The following NEURL1 variants were observed in gnomAD, a reference collection of about 807,000 sequenced individuals.
NEURL1 encodes the protein E3 ubiquitin-protein ligase NEURL1.
Under a neutral mutation model 41.2 loss-of-function variants are expected in NEURL1, and 26 were observed. The observed-to-expected ratio is 0.63, with a 90% CI of 0.46 to 0.87. The LOEUF is 0.87. Ranked by LOEUF, NEURL1 falls within the 40% of genes least tolerant of loss-of-function variation. The probability of loss-of-function intolerance (pLI) is 0.00; values close to 1 mark genes in which losing one functional copy is unlikely to be tolerated. For missense variants in NEURL1, 761 were observed against 871.1 expected, an observed-to-expected ratio of 0.87 and a Z score of 1.59; for synonymous variants, 400 against 402.3, an observed-to-expected ratio of 0.99 and a Z score of 0.07.
chr10:103,565,011 G>A (rs1487273920), intron 1 of NEURL1, among the ~76,000 whole-genome samples: 5 of 152,186 alleles, frequency 3.3e-5, no homozygotes, highest in African/African-American at 7.2e-5. Context: ...TGGGCACAGC[G>A]CATCGCGGCC....
In NEURL1 at chr10:103,584,942, G is replaced by T; in HGVS notation, c.1056G>T (p.Ala352=). The T allele has an allele frequency of 6.7e-7, 1 of 1,495,804 alleles. No individual in the cohort carries two copies. The highest frequency in any genetic ancestry group is 1.3e-5 in the South Asian group (1 of 79,434). 92.7% of individuals were successfully genotyped at this position (1,495,804 alleles called of 1,614,324 possible). A position where few individuals can be genotyped will look rare whatever the true frequency, so the allele number is the denominator to read the frequency against. ...VTRSGGARPG[A]LSFGVTTCDP... ...GCTCGGGTGGCGCGCGGCCCGGCGC[G>T]CTGTCGTTCGGCGTCACCACGTGCG... Residue 352 remains alanine (A), a synonymous_variant, in exon 4 of 6, where the codon GCG becomes GCT. Coordinates refer to ENST00000369780, the MANE Select transcript of NEURL1 (RefSeq NM_004210.5).
At chr10:103,538,847 G>A (rs188338757) in intron 1 of NEURL1, among the ~76,000 whole-genome samples, 348 of 150,840 alleles carry the variant, frequency 2.3e-3, no homozygotes, top group Non-Finnish European at 3.8e-3. Flanking sequence ...GGGTTTCACC[G>A]TATTGGTCAG....
At chr10:103,550,535 T>A (rs925109608) in intron 1 of NEURL1, 1 of 152,300 alleles carries the variant, frequency 6.6e-6, no homozygotes, top group Non-Finnish European at 1.5e-5. Flanking sequence ...ATCTCCAGTG[T>A]CTGTCTGGGT....
intron 1 of NEURL1, among the ~76,000 whole-genome samples, chr10:103,555,696 C>A (rs2035138289): frequency 6.9e-6 from 1 of 145,344 alleles, no homozygotes; most frequent in Non-Finnish European, 1.6e-5. Context: ...GTCTCCTTGT[C>A]CTCTTACCTC....
intron 1 of NEURL1, among the ~76,000 whole-genome samples, chr10:103,522,559 G>A (rs1340975888): frequency 2.1e-5 from 3 of 140,006 alleles, no homozygotes; most frequent in Non-Finnish European, 4.5e-5. Flanking sequence ...CCAAGATCAC[G>A]CCATTGCACT....
chr10:103,586,912 G>A (rs1056255015), intron 4 of NEURL1, among the ~76,000 whole-genome samples: 1 of 152,134 alleles, frequency 6.6e-6, no homozygotes, highest in South Asian at 2.1e-4. Context: ...TTAGCTGGGT[G>A]TGGTGGTGCA....
At chr10:103,579,190 C>T (rs965251062) in intron 3 of NEURL1, among the ~76,000 whole-genome samples, 3 of 152,216 alleles carry the variant, frequency 2.0e-5, no homozygotes, top group Admixed American at 2.0e-4. Context: ...AGTCTGTCTC[C>T]TCCCGCTCCC....
chr10:103,572,646 A>G (rs2035575575), intron 3 of NEURL1, among the ~76,000 whole-genome samples: 1 of 152,218 alleles, frequency 6.6e-6, no homozygotes, highest in Non-Finnish European at 1.5e-5. Flanking sequence ...TTGGTGGTTA[A>G]GGTAGGACTA....
intron 1 of NEURL1, among the ~76,000 whole-genome samples, chr10:103,560,004 C>T (rs771300472): frequency 1.1e-4 from 16 of 152,014 alleles, no homozygotes; most frequent in South Asian, 4.2e-4. Flanking sequence ...ACACAATGCA[C>T]GCACACATGC....
rs372378524 is a variant in NEURL1 at position 103,557,697 on chromosome 10, C to T, written c.86-13175C>T. ...ATATGCGTCCTCATGCATCCACGCC[C>T]ATGTGTGCCCACACCTGTACACACG... is the stretch of plus-strand genomic sequence containing the variant. On this transcript the variant is annotated intron_variant, in intron 1 of 5. Coordinates refer to ENST00000369780, the MANE Select transcript of NEURL1 (RefSeq NM_004210.5). Among the ~76,000 whole-genome samples, 76 of 152,342 alleles carry T rather than the reference C, an allele frequency of 5.0e-4. 1 individual carries two copies. In the East Asian group the frequency reaches 0.013, roughly 26 times the overall value.
chr10:103,560,337 T>C (rs977064676), intron 1 of NEURL1, among the ~76,000 whole-genome samples: 2 of 152,140 alleles, frequency 1.3e-5, no homozygotes, highest in Non-Finnish European at 2.9e-5. Flanking sequence ...CCTGGAATCT[T>C]GAGGTGGGAC....
chr10:103,534,884 G>A (rs117458422), intron 1 of NEURL1, among the ~76,000 whole-genome samples: 2,591 of 152,244 alleles, frequency 0.017, 56 homozygotes, highest in Non-Finnish European at 0.018. Context: ...CTGTGACTCT[G>A]AAGCACCCGC....
Position 103,584,554 on chromosome 10 carries a change from CG to C in NEURL1, c.670del (p.Asp224ThrfsTer27). ...VQLLDSELVL[P>X]DCLRPRSFTA... ...CGCGCAGATAGCGAGCTGGTGCTCC[CG>C]GACTGTCTGCGGCCGCGCTCCTTCA... On this transcript the variant is annotated frameshift_variant, in exon 4 of 6. Transcript: ENST00000369780. LOFTEE classifies it high-confidence loss of function. 1 of 1,407,122 alleles carries C rather than the reference CG, an allele frequency of 7.1e-7. No individual in the cohort carries two copies. The highest frequency in any genetic ancestry group is 9.2e-7 in the Non-Finnish European group (1 of 1,086,462). 87.2% of individuals were successfully genotyped at this position (1,407,122 alleles called of 1,614,324 possible).
Position 103,494,296 on chromosome 10 carries a change from G to T in NEURL1, c.-92G>T. On this transcript the variant is annotated 5_prime_UTR_variant, in exon 1 of 6. Coordinates refer to ENST00000369780, the MANE Select transcript of NEURL1 (RefSeq NM_004210.5). ...CAGCAGGGCCCTCCCCCGGTGGCGC[G>T]CACCCGCGCGCGCACACTCGCACAC... 9.4e-7 allele frequency: 1 copy of T among 1,068,186 alleles called. No individual in the cohort carries two copies. Among genetic ancestry groups the T allele is most frequent in the Non-Finnish European group, 1.3e-6 (1 of 756,338 alleles). 66.2% of individuals were successfully genotyped at this position (1,068,186 alleles called of 1,614,324 possible). A position where few individuals can be genotyped will look rare whatever the true frequency, so the allele number is the denominator to read the frequency against.
At chr10:103,548,049 A>G (rs999086238) in intron 1 of NEURL1, among the ~76,000 whole-genome samples, 2 of 151,848 alleles carry the variant, frequency 1.3e-5, no homozygotes, top group African/African-American at 4.8e-5. Flanking sequence ...CTAATTTATC[A>G]CTTGTGATTG....
intron 1 of NEURL1, among the ~76,000 whole-genome samples, chr10:103,498,339 G>A (rs907543884): frequency 8.5e-5 from 13 of 152,280 alleles, no homozygotes; most frequent in Non-Finnish European, 1.9e-4. Flanking sequence ...GCCTTCTCCC[G>A]CCTCAGCCTC....
intron 1 of NEURL1, among the ~76,000 whole-genome samples, chr10:103,502,888 G>C (rs1312039250): frequency 2.6e-5 from 4 of 152,226 alleles, no homozygotes; most frequent in Non-Finnish European, 5.9e-5. Flanking sequence ...AGAACTGAGG[G>C]GCTGCTTCAC....
chr10:103,549,964 T>A lies in NEURL1; in HGVS notation c.86-20908T>A, dbSNP rs1472357625. ...TACACCTGTAAAATGGGCCCAGAAC[T>A]TCTTTGCCTGCTTGAAGGTAGGGGC... is the stretch of plus-strand genomic sequence containing the variant. On this transcript the variant is annotated intron_variant, in intron 1 of 5. Coordinates refer to ENST00000369780, the MANE Select transcript of NEURL1 (RefSeq NM_004210.5). Among the ~76,000 whole-genome samples the A allele has an allele frequency of 2.2e-4, 34 of 152,262 alleles. 1 individual carries two copies. The highest frequency in any genetic ancestry group is 2.2e-3 in the Admixed American group (34 of 15,290).
At chr10:103,529,510 G>A (rs1418082261) in intron 1 of NEURL1, among the ~76,000 whole-genome samples, 1 of 152,168 alleles carries the variant, frequency 6.6e-6, no homozygotes, top group African/African-American at 2.4e-5. Flanking sequence ...ATTCCTTAAA[G>A]GAATCTGTTT....
Sources: allele counts gnomAD v4.1 joint callset (sites outside exome capture counted in the v4.1 genomes callset), GRCh38; gene constraint gnomAD v4.1.1; transcripts MANE v1.5; gene names NCBI Gene and HGNC (gene_info 2026-07-23, HGNC 2026-07-21).